DIP2C: variants seen among roughly 807,000 people sequenced by gnomAD.
DIP2C encodes disco-interacting protein 2 homolog C.
Under a neutral mutation model 192.4 loss-of-function variants are expected in DIP2C, and 33 were observed. The observed-to-expected ratio is 0.17, with a 90% CI of 0.13 to 0.23. The LOEUF (loss-of-function observed/expected upper bound fraction) is 0.23, where lower values mean the gene tolerates loss of function less well. DIP2C is among the 10% of genes least tolerant of loss of function. DIP2C has a pLI of 1.00. For synonymous variants in DIP2C, 979 were observed against 864.1 expected (o/e 1.13, Z -2.33); for missense variants, 1,537 against 2,110.1 (o/e 0.73, Z 5.32).
In DIP2C at chr10:274,965, C is replaced by T. The variant is rs1029753836; in HGVS notation, c.*2360G>A. The stretch of plus-strand genomic sequence containing the variant: ...GTACTAAGTGTCTCCTTTCCTTTCT[C>T]TTGCACAACCAAATTTCAATCTCAG... On this transcript the variant is annotated 3_prime_UTR_variant, in exon 37 of 37. Transcript: ENST00000280886. The T allele has an allele frequency of 2.0e-5, 3 of 152,240 alleles. No individual in the cohort carries two copies. The highest frequency in any genetic ancestry group is 7.2e-5 in the African/African-American group (3 of 41,458). The allele number at this position is 152,240 out of a possible 1,614,324, so 9.4% of individuals were successfully genotyped here.
intron 4 of DIP2C, among the ~76,000 whole-genome samples, chr10:432,783 C>T (rs1966880520): frequency 1.3e-5 from 2 of 152,124 alleles, no homozygotes; most frequent in Non-Finnish European, 2.9e-5. Context: ...GCATTTAAAG[C>T]TATAAATTTC....
At chr10:620,831 C>T (rs1256562438) in intron 1 of DIP2C, among the ~76,000 whole-genome samples, 3 of 152,188 alleles carry the variant, frequency 2.0e-5, no homozygotes, top group South Asian at 2.1e-4. Flanking sequence ...ATTATTTCAA[C>T]GTTTAGTGGT....
At chr10:404,515 T>C (rs1464365467) in intron 9 of DIP2C, among the ~76,000 whole-genome samples, 2 of 152,196 alleles carry the variant, frequency 1.3e-5, no homozygotes, top group Admixed American at 6.5e-5. Context: ...GGCCTCATTC[T>C]TGAAGTTAAA....
intron 36 of DIP2C, among the ~76,000 whole-genome samples, chr10:279,736 ACT>A (rs1280601920): frequency 2.6e-5 from 4 of 152,204 alleles, no homozygotes; most frequent in African/African-American, 9.6e-5. Context: ...CTCAAAGGAC[ACT>A]GTGTGGGCAA....
chr10:540,672 C>G (rs1021095085), intron 1 of DIP2C, among the ~76,000 whole-genome samples: 2 of 152,122 alleles, frequency 1.3e-5, no homozygotes, highest in Non-Finnish European at 2.9e-5. Context: ...GCCACCAAAT[C>G]GTACACTTAA....
intron 1 of DIP2C, among the ~76,000 whole-genome samples, chr10:564,034 A>G (rs1168777401): frequency 2.0e-5 from 3 of 152,222 alleles, no homozygotes; most frequent in Admixed American, 6.5e-5. Context: ...CTGAGAAAAC[A>G]CTAATTCTAC....
intron 4 of DIP2C, among the ~76,000 whole-genome samples, chr10:429,940 T>TA (rs1204148598): frequency 6.6e-6 from 1 of 152,126 alleles, no homozygotes; most frequent in East Asian, 1.9e-4. Flanking sequence ...AGAGTATATT[T>TA]AGTTTTGTAA....
At position 612,091 on chromosome 10, in the gene DIP2C, T is replaced by C. The variant is rs185557154; in HGVS notation, c.85+77403A>G. On this transcript the variant is annotated intron_variant, in intron 1 of 36. Transcript: ENST00000280886. ...TGAGCGCATCACCTGAGGTCAGGAG[T>C]TCGAGACAGCCTGGCCAACATGTTG... is the stretch of plus-strand genomic sequence containing the variant. Among the ~76,000 whole-genome samples the C allele has an allele frequency of 2.8e-3, 424 of 151,752 alleles. 1 individual carries two copies. Among genetic ancestry groups the C allele is most frequent in the African/African-American group, 8.5e-3 (351 of 41,336 alleles).
chr10:341,450 A>T, intron 28 of DIP2C, 121 bp from the exon 29 acceptor site: 1 of 1,421,000 alleles, frequency 7.0e-7, no homozygotes, highest in Non-Finnish European at 9.7e-7. Flanking sequence ...ACCCTCAGAC[A>T]CCCGGGACAA....
rs969003965 is a variant in DIP2C, at chr10:651,418, G to C, written c.85+38076C>G. On this transcript the variant is annotated intron_variant, in intron 1 of 36. Transcript: ENST00000280886. This position sits in a 1 kb window ranked among gnomAD's most constrained non-coding sequence, Gnocchi z 4.1. ...GGAACAACCAAACTCGTGACTGAAT[G>C]AACAAGTATGTTAAGTCGTTAAGTA... The C allele has an allele frequency of 1.4e-6, 1 of 696,926 alleles. No homozygotes were observed. The highest frequency in any genetic ancestry group is 2.7e-5 in the East Asian group (1 of 37,054). The allele number at this position is 696,926 out of a possible 1,614,324, so 43.2% of individuals were successfully genotyped here. A position where few individuals can be genotyped will look rare whatever the true frequency, so the allele number is the denominator to read the frequency against.
chr10:442,539 T>A (rs1181695844), intron 3 of DIP2C, among the ~76,000 whole-genome samples: 1 of 152,162 alleles, frequency 6.6e-6, no homozygotes, highest in Non-Finnish European at 1.5e-5. Context: ...CATTTTAAAC[T>A]TTTTGGATAT....
intron 1 of DIP2C, among the ~76,000 whole-genome samples, chr10:542,353 G>T (rs1027764686): frequency 2.0e-5 from 3 of 152,154 alleles, no homozygotes; most frequent in African/African-American, 7.2e-5. Context: ...CTCCTCTCCT[G>T]GCAGAGCTTT....
At chr10:632,422 T>C (rs1259900334) in intron 1 of DIP2C, among the ~76,000 whole-genome samples, 5 of 143,938 alleles carry the variant, frequency 3.5e-5, no homozygotes, top group Non-Finnish European at 4.5e-5. Flanking sequence ...GCACCGTAAC[T>C]GGAGACCATG....
intron 10 of DIP2C, among the ~76,000 whole-genome samples, chr10:392,193 C>G (rs1300846921): frequency 2.0e-5 from 3 of 152,166 alleles, no homozygotes; most frequent in Non-Finnish European, 4.4e-5. Context: ...CTTGAAGGGA[C>G]ACAGGTGAGG....
chr10:575,819 G>A (rs571055451), intron 1 of DIP2C, among the ~76,000 whole-genome samples: 59 of 152,318 alleles, frequency 3.9e-4, no homozygotes, highest in Non-Finnish European at 6.5e-4. Context: ...AGCGCAAGGA[G>A]CCAAAGAAGA....
At chr10:369,449 C>T in intron 18 of DIP2C, 45 bp downstream of exon 18, 1 of 1,483,482 alleles carries the variant, frequency 6.7e-7, no homozygotes, top group Non-Finnish European at 9.0e-7. Flanking sequence ...GTTAGAAAAG[C>T]ATTTAATAAC....
chr10:587,653 A>G (rs1487034496), intron 1 of DIP2C, among the ~76,000 whole-genome samples: 12 of 145,186 alleles, frequency 8.3e-5, no homozygotes, highest in East Asian at 4.2e-4. Flanking sequence ...CACACCAGCC[A>G]CTGCCTCAGC....
intron 32 of DIP2C, among the ~76,000 whole-genome samples, chr10:305,041 CTA>C (rs1956246883): frequency 2.0e-5 from 3 of 152,002 alleles, no homozygotes; most frequent in East Asian, 3.9e-4. Flanking sequence ...ATGCACGTGT[CTA>C]TACTTGCAGC....
chr10:578,930 CTG>C (rs1588504776), intron 1 of DIP2C, among the ~76,000 whole-genome samples: 2 of 152,184 alleles, frequency 1.3e-5, no homozygotes, highest in East Asian at 1.9e-4. Context: ...CATAGGCACA[CTG>C]TAACATGTGT....
Sources: gnomAD v4.1 joint callset for allele counts (sites outside exome capture counted in the v4.1 genomes callset) on GRCh38, gnomAD v4.1.1 for gene constraint, Gnocchi (gnomAD v3.1) non-coding constraint, MANE v1.5 for transcripts, NCBI Gene and HGNC (gene_info 2026-07-23, HGNC 2026-07-21) for gene names.